The following GRM3 variants were observed in gnomAD, a reference collection of about 807,000 sequenced individuals.
GRM3 encodes metabotropic glutamate receptor 3.
GRM3 carries 26 observed loss-of-function variants against 70.5 expected under a neutral mutation model. That is an observed-to-expected ratio of 0.37 (90% CI 0.27 to 0.51). The LOEUF (loss-of-function observed/expected upper bound fraction) is 0.51. GRM3 is among the 20% of genes least tolerant of loss of function. GRM3 has a pLI of 0.93. For missense variants in GRM3, 859 were observed against 1,123.8 expected, an observed-to-expected ratio of 0.76 and a Z score of 3.37; for synonymous variants, 443 against 434.9, an observed-to-expected ratio of 1.02 and a Z score of -0.23.
At position 86,779,422 on chromosome 7, in the gene GRM3, G is replaced by A. The variant is rs1029236460; in HGVS notation, c.469-6839G>A. ...GTCGTGTGTGCATGTGCACACGTGC[G>A]CACACACACACACACACAAACCCAT... On this transcript the variant is annotated intron_variant, in intron 2 of 5. Transcript: ENST00000361669. 9.3e-5 allele frequency among the ~76,000 whole-genome samples: 14 copies of A among 150,518 alleles called. 1 individual carries two copies. The highest frequency in any genetic ancestry group is 3.5e-3 in the Middle Eastern group (1 of 288).
chr7:86,680,009 A>C (rs1377119695), intron 1 of GRM3, among the ~76,000 whole-genome samples: 2 of 152,178 alleles, frequency 1.3e-5, no homozygotes, highest in African/African-American at 4.8e-5. Flanking sequence ...ATCAAAATAT[A>C]GACTTGTCCT....
chr7:86,745,828 AG>A (rs1233593502), intron 1 of GRM3, among the ~76,000 whole-genome samples: 1 of 152,090 alleles, frequency 6.6e-6, no homozygotes, highest in Non-Finnish European at 1.5e-5. Flanking sequence ...CTAAAGTTGA[AG>A]ATAAAGTATC....
intron 1 of GRM3, among the ~76,000 whole-genome samples, chr7:86,654,414 A>C (rs1018531337): frequency 1.3e-5 from 2 of 152,216 alleles, no homozygotes; most frequent in Non-Finnish European, 2.9e-5. Context: ...ACCGTGTCTC[A>C]GCAGAGCCTG....
chr7:86,801,586 G>A (rs1264202058), intron 3 of GRM3, among the ~76,000 whole-genome samples: 3 of 152,160 alleles, frequency 2.0e-5, no homozygotes, highest in African/African-American at 2.4e-5. Flanking sequence ...AACAGTGTCA[G>A]GTACTACAAC....
At chr7:86,705,206 C>T (rs1485195255) in intron 1 of GRM3, among the ~76,000 whole-genome samples, 1 of 151,498 alleles carries the variant, frequency 6.6e-6, no homozygotes, top group African/African-American at 2.4e-5. Context: ...CTATTTTTTC[C>T]TTCCTTCCTT....
At chr7:86,766,506 T>C (rs770727030) in intron 2 of GRM3, among the ~76,000 whole-genome samples, 5 of 152,148 alleles carry the variant, frequency 3.3e-5, no homozygotes, top group Non-Finnish European at 5.9e-5. Flanking sequence ...ATAAGGTTAC[T>C]AAATTTTATA....
At chr7:86,797,724 G>A (rs1371331142) in intron 3 of GRM3, among the ~76,000 whole-genome samples, 2 of 152,186 alleles carry the variant, frequency 1.3e-5, no homozygotes, top group African/African-American at 4.8e-5. Context: ...TAATTGCTAA[G>A]ACAATTGGGA....
At chr7:86,734,459 T>C (rs1795809822) in intron 1 of GRM3, among the ~76,000 whole-genome samples, 1 of 152,244 alleles carries the variant, frequency 6.6e-6, no homozygotes, top group Non-Finnish European at 1.5e-5. Flanking sequence ...ATCCCATATC[T>C]CTTCCCTATT....
In GRM3 at chr7:86,839,227, G is replaced by A. The variant is rs933188765; in HGVS notation, c.1713G>A (p.Arg571=). ...ATGACCTTCCTGAGGACTACATCAG[G>A]TGGGAAGACGCCTGGGCCATTGGCC... The part of the protein sequence containing the change: ...GCYDLPEDYI[R]WEDAWAIGPV... Residue 571 remains arginine (R), a synonymous_variant, in exon 4 of 6, where the codon AGG becomes AGA. Coordinates refer to ENST00000361669, the MANE Select transcript of GRM3 (RefSeq NM_000840.3). This position sits in a 1 kb window ranked among gnomAD's most constrained non-coding sequence, Gnocchi z 4.5. 2 of 1,613,910 alleles carry A rather than the reference G, an allele frequency of 1.2e-6. No homozygotes were observed. Among genetic ancestry groups the A allele is most frequent in the African/African-American group, 1.3e-5 (1 of 74,938 alleles).
At position 86,713,046 on chromosome 7, in the gene GRM3, C is replaced by A. The variant is rs1390334893; in HGVS notation, c.-140-51960C>A. ...TTCTATATTTAGCTTTTTGAGGAAC[C>A]TCTATACTATTCTTCATAGCATCTG... On this transcript the variant is annotated intron_variant, in intron 1 of 5. Transcript: ENST00000361669. 5.3e-5 allele frequency among the ~76,000 whole-genome samples: 8 copies of A among 151,946 alleles called. No homozygotes were observed. The East Asian group carries it at 1.5e-3, about 29-fold the overall frequency.
chr7:86,710,085 G>A (rs967280220), intron 1 of GRM3: 4 of 152,022 alleles, frequency 2.6e-5, no homozygotes, highest in African/African-American at 9.7e-5. Flanking sequence ...GTATGACCTT[G>A]TACCCACAGC....
intron 1 of GRM3, among the ~76,000 whole-genome samples, chr7:86,686,274 A>C (rs1562825448): frequency 6.6e-6 from 1 of 152,190 alleles, no homozygotes; most frequent in Non-Finnish European, 1.5e-5. Context: ...AATCAGAATG[A>C]AAGTCTCTTG....
In GRM3 at chr7:86,801,191, G is replaced by A. The variant is rs535851403; in HGVS notation, c.1324+14075G>A. Among the ~76,000 whole-genome samples, 122 of 150,068 alleles carry A rather than the reference G, an allele frequency of 8.1e-4. 1 individual carries two copies. The highest frequency in any genetic ancestry group is 2.8e-3 in the African/African-American group (112 of 40,718). On this transcript the variant is annotated intron_variant, in intron 3 of 5. Transcript: ENST00000361669. ...GTTCAAGCAATTCTCCTGCCTCAGC[G>A]TCTCAAGTAGCTGGGATTACAGGTG...
intron 1 of GRM3, among the ~76,000 whole-genome samples, chr7:86,743,233 A>C (rs2116328454): frequency 6.6e-6 from 1 of 152,308 alleles, no homozygotes; most frequent in African/African-American, 2.4e-5. Context: ...TGGAAGCAAC[A>C]GTTAAGATTC....
intron 3 of GRM3, among the ~76,000 whole-genome samples, chr7:86,831,564 T>G (rs1318794617): frequency 2.0e-5 from 3 of 152,124 alleles, no homozygotes; most frequent in Admixed American, 2.0e-4. Flanking sequence ...GTAGGAGGAT[T>G]GGAATCTCCA....
chr7:86,743,728 G>T (rs1270563058), intron 1 of GRM3, among the ~76,000 whole-genome samples: 2 of 152,140 alleles, frequency 1.3e-5, no homozygotes, highest in East Asian at 3.9e-4. Flanking sequence ...GTATAAAGAA[G>T]AGTAGGATTG....
chr7:86,650,209 C>G (rs1584138048), intron 1 of GRM3, among the ~76,000 whole-genome samples: 1 of 152,050 alleles, frequency 6.6e-6, no homozygotes, highest in African/African-American at 2.4e-5. Context: ...TCATTTTATA[C>G]AGAAGAGGAG....
intron 1 of GRM3, among the ~76,000 whole-genome samples, chr7:86,678,114 T>A (rs1034757217): frequency 2.6e-5 from 4 of 151,990 alleles, no homozygotes; most frequent in African/African-American, 7.2e-5. Context: ...CTTTAAAAAA[T>A]ATACCTGCAT....
At chr7:86,842,134 G>T (rs1327603650) in intron 4 of GRM3, among the ~76,000 whole-genome samples, 1 of 152,078 alleles carries the variant, frequency 6.6e-6, no homozygotes. Flanking sequence ...TGATTTAATT[G>T]GCCTGGCCTG....
Sources: allele counts gnomAD v4.1 joint callset (sites outside exome capture counted in the v4.1 genomes callset), GRCh38; gene constraint gnomAD v4.1.1; non-coding constraint Gnocchi (gnomAD v3.1); transcripts MANE v1.5; gene names NCBI Gene and HGNC (gene_info 2026-07-23, HGNC 2026-07-21).